Variants in RERE observed in about 807,000 individuals in gnomAD.
The protein encoded by RERE is arginine-glutamic acid dipeptide repeats protein.
Under a neutral mutation model 146.1 loss-of-function variants are expected in RERE, and 40 were observed. The observed-to-expected ratio is 0.27, with a 90% confidence interval of 0.21 to 0.36. The LOEUF (loss-of-function observed/expected upper bound fraction) is 0.36. Among genes scored for constraint, RERE ranks in the 10% least tolerant of loss-of-function variants. The pLI is 1.00. For missense variants in RERE, 1,933 were observed against 2,138.7 expected, an observed-to-expected ratio of 0.90 and a Z score of 1.90; for synonymous variants, 1,003 against 866.0, an observed-to-expected ratio of 1.16 and a Z score of -2.78.
intron 7 of RERE, among the ~76,000 whole-genome samples, chr1:8,525,013 C>A (rs1010550582): frequency 1.2e-4 from 19 of 152,086 alleles, no homozygotes; most frequent in Admixed American, 1.2e-3. Flanking sequence ...AACAAAATAC[C>A]TAAACTTCAA....
At chr1:8,671,848 C>G (rs1638725167) in intron 1 of RERE, among the ~76,000 whole-genome samples, 1 of 152,126 alleles carries the variant, frequency 6.6e-6, no homozygotes, top group South Asian at 2.1e-4. Flanking sequence ...ATTTATATGT[C>G]TCAGGAAGGC....
At chr1:8,758,131 G>C (rs1225426380) in intron 1 of RERE, among the ~76,000 whole-genome samples, 2 of 151,880 alleles carry the variant, frequency 1.3e-5, no homozygotes, top group Admixed American at 1.3e-4. Context: ...TGTCACCCAG[G>C]CTGGAGTGCA....
Position 8,361,436 on chromosome 1 carries a change from G to A in RERE, c.2071C>T (p.Arg691Cys), listed in dbSNP as rs768449208. 7 of 1,613,578 alleles carry A rather than the reference G, an allele frequency of 4.3e-6. No individual in the cohort carries two copies. Among genetic ancestry groups the A allele is most frequent in the Non-Finnish European group, 5.1e-6 (6 of 1,179,948 alleles). ...SEGEGESSDS[R>C]SVNDEGSSDP... The stretch of plus-strand genomic sequence containing the variant: ...CTGCTACCCTCATCGTTGACGCTGC[G>A]ACTGTCTGAACTCTCTCCCTCACCT... Residue 691 changes from arginine to cysteine, a missense_variant, in exon 18 of 23, where the codon CGC becomes TGC. Transcript: ENST00000400908.
At position 8,520,665 on chromosome 1, in the gene RERE, C is replaced by T. The variant is rs369489350; in HGVS notation, c.831-11990G>A. Among the ~76,000 whole-genome samples the T allele has an allele frequency of 7.7e-5, 11 of 142,768 alleles. No individual in the cohort carries two copies. The East Asian group carries it at 1.7e-3, about 23-fold the overall frequency. 93.7% of individuals were successfully genotyped at this position (142,768 alleles called of 152,430 possible). Reference sequence around the variant, plus strand: ...CATTCCACCACAGGCTCCTAGGGAACTTTACTGTAATGGCCTGTGGCAAAG... The same window carrying T: ...CATTCCACCACAGGCTCCTAGGGAATTTTACTGTAATGGCCTGTGGCAAAG... On this transcript the variant is annotated intron_variant, in intron 7 of 22. Coordinates refer to ENST00000400908, the MANE Select transcript of RERE (RefSeq NM_001042681.2).
chr1:8,542,663 C>G (rs1349686197), intron 6 of RERE, among the ~76,000 whole-genome samples: 2 of 152,098 alleles, frequency 1.3e-5, no homozygotes, highest in Non-Finnish European at 2.9e-5. Context: ...CATCTCACCA[C>G]ACCTGGTTAA....
At chr1:8,699,994 C>T (rs372615200) in intron 1 of RERE, among the ~76,000 whole-genome samples, 3 of 152,178 alleles carry the variant, frequency 2.0e-5, no homozygotes, top group African/African-American at 7.2e-5. Context: ...GTTTCTACGA[C>T]TTTTGCTCCT....
At chr1:8,673,794 A>T (rs1318776793) in intron 1 of RERE, among the ~76,000 whole-genome samples, 1 of 152,200 alleles carries the variant, frequency 6.6e-6, no homozygotes, top group African/African-American at 2.4e-5. Context: ...CTGTAATCGC[A>T]GCACTTTGGG....
At chr1:8,479,203 A>C (rs969326447) in intron 10 of RERE, among the ~76,000 whole-genome samples, 3 of 152,164 alleles carry the variant, frequency 2.0e-5, no homozygotes, top group Non-Finnish European at 4.4e-5. Context: ...TGGACAACAC[A>C]GTGAGCCCCT....
At chr1:8,369,179 G>A (rs1208736371) in intron 12 of RERE, among the ~76,000 whole-genome samples, 1 of 152,044 alleles carries the variant, frequency 6.6e-6, no homozygotes, top group Non-Finnish European at 1.5e-5. Flanking sequence ...CCAGCCTGGG[G>A]GACAGGGCGA....
intron 1 of RERE, among the ~76,000 whole-genome samples, chr1:8,712,850 G>C (rs1188304619): frequency 6.6e-6 from 1 of 151,812 alleles, no homozygotes; most frequent in South Asian, 2.1e-4. Context: ...CTTTTTCTCA[G>C]GAAGGTCAGA....
intron 1 of RERE, among the ~76,000 whole-genome samples, chr1:8,658,180 A>G (rs1406314169): frequency 6.6e-6 from 1 of 152,156 alleles, no homozygotes. Flanking sequence ...TTTTCTTATG[A>G]TCTTCCCCAA....
chr1:8,607,025 A>G (rs1646720586), intron 4 of RERE, among the ~76,000 whole-genome samples: 1 of 152,164 alleles, frequency 6.6e-6, no homozygotes, highest in South Asian at 2.1e-4. Flanking sequence ...TCCTTGGGAA[A>G]GAGTACCATC....
chr1:8,717,733 T>C (rs1639790637), intron 1 of RERE, among the ~76,000 whole-genome samples: 1 of 152,224 alleles, frequency 6.6e-6, no homozygotes. Flanking sequence ...ATACATTCCC[T>C]AAATTTCATC....
intron 6 of RERE, among the ~76,000 whole-genome samples, chr1:8,554,387 A>G (rs1382917061): frequency 6.6e-6 from 1 of 152,162 alleles, no homozygotes; most frequent in East Asian, 1.9e-4. Flanking sequence ...AACCAGTGTA[A>G]GAAGTATTCC....
chr1:8,607,694 T>G (rs549493167), intron 4 of RERE, among the ~76,000 whole-genome samples: 1 of 148,242 alleles, frequency 6.7e-6, no homozygotes, highest in Admixed American at 6.7e-5. Context: ...TAGAGCCTGG[T>G]ACTATCACAG....
At position 8,358,459 on chromosome 1, in the gene RERE, G is replaced by T; in HGVS notation, c.4076C>A (p.Ala1359Asp). ...GAAAGAAGCAAAAGGGTGGGGCCCG[G>T]CGGTCGGGGGGATGGTGAGGGCGCT... ...RHSALTIPPT[A>D]GPHPFASFHP... The change falls in exon 20 of 23, where the codon GCC becomes GAC. Residue 1359 changes from alanine to aspartate, a missense_variant. Physicochemically the swap from Ala to Asp is moderately radical, Grantham distance 126 (BLOSUM62 -2). Transcript: ENST00000400908. The T allele has an allele frequency of 6.3e-7, 1 of 1,585,422 alleles. No homozygotes were observed.
At chr1:8,676,265 T>G (rs1475808489) in intron 1 of RERE, among the ~76,000 whole-genome samples, 3 of 152,194 alleles carry the variant, frequency 2.0e-5, no homozygotes, top group African/African-American at 4.8e-5. Context: ...TTAGGAGTTC[T>G]CAGTGGGAAT....
chr1:8,698,080 GC>G (rs1639372937), intron 1 of RERE, among the ~76,000 whole-genome samples: 1 of 152,214 alleles, frequency 6.6e-6, no homozygotes, highest in African/African-American at 2.4e-5. Flanking sequence ...AGGCAGAGTA[GC>G]CTATATTTAA....
chr1:8,743,429 T>A (rs1295723619), intron 1 of RERE, among the ~76,000 whole-genome samples: 1 of 142,830 alleles, frequency 7.0e-6, no homozygotes, highest in African/African-American at 2.6e-5. Context: ...CAGGCTAATT[T>A]TTTTTTTTTT....
Sources: allele counts gnomAD v4.1 joint callset (sites outside exome capture counted in the v4.1 genomes callset), GRCh38; gene constraint gnomAD v4.1.1; transcripts MANE v1.5; gene names NCBI Gene and HGNC (gene_info 2026-07-23, HGNC 2026-07-21).